The following TRIM9 variants were observed in gnomAD, a reference collection of about 807,000 sequenced individuals.
TRIM9 encodes tripartite motif containing 9.
TRIM9 carries 26 observed loss-of-function variants against 78.3 expected under a neutral mutation model. The ratio of observed to expected loss-of-function variants is 0.33; its 90% confidence interval spans 0.24 to 0.46. The LOEUF is 0.46. Among genes scored for constraint, TRIM9 ranks in the 20% least tolerant of loss-of-function variants. The pLI, the probability that TRIM9 is intolerant of heterozygous loss-of-function variation, is 1.00. For missense variants in TRIM9, 787 were observed against 1,036.4 expected (o/e 0.76, Z 3.30); for synonymous variants, 398 against 416.5 (o/e 0.96, Z 0.54).
intron 5 of TRIM9, among the ~76,000 whole-genome samples, chr14:51,004,320 G>T (rs369284873): frequency 5.9e-5 from 9 of 152,162 alleles, no homozygotes; most frequent in East Asian, 5.8e-4. Flanking sequence ...GAGGTCTGGC[G>T]GAGCTGTGGT....
intron 1 of TRIM9, among the ~76,000 whole-genome samples, chr14:51,032,879 C>T (rs1268299536): frequency 6.6e-6 from 1 of 152,192 alleles, no homozygotes; most frequent in Non-Finnish European, 1.5e-5. Flanking sequence ...AAATCTGAAA[C>T]ATTTCAATGA....
At chr14:51,003,308 A>G (rs968578946) in intron 5 of TRIM9, among the ~76,000 whole-genome samples, 2 of 152,112 alleles carry the variant, frequency 1.3e-5, no homozygotes, top group Non-Finnish European at 2.9e-5. Flanking sequence ...CCCGGGGGGT[A>G]TTTATTCTTA....
intron 1 of TRIM9, among the ~76,000 whole-genome samples, chr14:51,052,253 ATGT>A (rs2060494139): frequency 6.6e-6 from 1 of 152,178 alleles, no homozygotes; most frequent in Non-Finnish European, 1.5e-5. Flanking sequence ...CTATAAATAA[ATGT>A]TGTAAAGCAA....
chr14:51,046,948 G>C (rs972487058), intron 1 of TRIM9, among the ~76,000 whole-genome samples: 1 of 152,192 alleles, frequency 6.6e-6, no homozygotes, highest in African/African-American at 2.4e-5. Flanking sequence ...GGTGGTACTA[G>C]AATATGGAAA....
At chr14:51,068,069 G>C (rs568765675) in intron 1 of TRIM9, among the ~76,000 whole-genome samples, 3 of 152,318 alleles carry the variant, frequency 2.0e-5, no homozygotes, top group Admixed American at 1.3e-4. Context: ...AACACAGGTT[G>C]CTGGACCCCC....
intron 12 of TRIM9, chr14:50,978,950 C>T: frequency 1.9e-6 from 2 of 1,074,046 alleles, no homozygotes; most frequent in Non-Finnish European, 2.3e-6. Flanking sequence ...CAGAGCCAAA[C>T]AAGAGTGCAG....
At chr14:51,073,819 T>C (rs964501781) in intron 1 of TRIM9, among the ~76,000 whole-genome samples, 1 of 152,238 alleles carries the variant, frequency 6.6e-6, no homozygotes, top group African/African-American at 2.4e-5. Context: ...TTGTTGTTTT[T>C]TGCAGCTGCA....
At chr14:51,008,058 G>C (rs1413776974) in intron 5 of TRIM9, among the ~76,000 whole-genome samples, 1 of 152,170 alleles carries the variant, frequency 6.6e-6, no homozygotes, top group Admixed American at 6.5e-5. Flanking sequence ...GAGTTGCAAA[G>C]AGCAAATCAA....
At chr14:51,009,354 G>A in intron 4 of TRIM9, 121 bp from the exon 5 acceptor site, 1 of 1,205,160 alleles carries the variant, frequency 8.3e-7, no homozygotes, top group East Asian at 2.4e-5. Flanking sequence ...TACTCTGACT[G>A]CCTCAGTGCT....
intron 5 of TRIM9, among the ~76,000 whole-genome samples, chr14:51,003,724 A>G (rs1306061747): frequency 1.3e-5 from 2 of 152,198 alleles, no homozygotes; most frequent in South Asian, 2.1e-4. Flanking sequence ...CAAATGGACA[A>G]AAAGTCAAAG....
chr14:51,078,074 G>A (rs555418315), intron 1 of TRIM9, among the ~76,000 whole-genome samples: 27 of 152,254 alleles, frequency 1.8e-4, no homozygotes, highest in African/African-American at 6.3e-4. Flanking sequence ...ATGAGCCAGT[G>A]GTCTCATCAT....
At chr14:51,009,278 A>G in intron 4 of TRIM9, 45 bp from the exon 5 acceptor site, 6 of 1,608,962 alleles carry the variant, frequency 3.7e-6, no homozygotes, top group Non-Finnish European at 5.1e-6. Flanking sequence ...ACACCACCAC[A>G]CTTGAAACAC....
At chr14:51,049,303 G>A (rs1244862512) in intron 1 of TRIM9, among the ~76,000 whole-genome samples, 2 of 152,100 alleles carry the variant, frequency 1.3e-5, no homozygotes, top group African/African-American at 2.4e-5. Context: ...TTTACAGATT[G>A]AAAAGATTAT....
intron 1 of TRIM9, among the ~76,000 whole-genome samples, chr14:51,073,456 C>T (rs2062474867): frequency 6.6e-6 from 1 of 152,264 alleles, no homozygotes; most frequent in East Asian, 1.9e-4. Context: ...AATGGAATAC[C>T]ATACAACAGT....
intron 1 of TRIM9, among the ~76,000 whole-genome samples, chr14:51,060,753 C>A (rs2061292391): frequency 6.6e-6 from 1 of 152,242 alleles, no homozygotes; most frequent in Non-Finnish European, 1.5e-5. Context: ...AGGCGTGAGC[C>A]TCTGCACCCA....
At chr14:51,030,460 T>C (rs148949704) in intron 1 of TRIM9, among the ~76,000 whole-genome samples, 1 of 152,290 alleles carries the variant, frequency 6.6e-6, no homozygotes, top group African/African-American at 2.4e-5. Flanking sequence ...TGCCAATTTA[T>C]CTCTAAGCCC....
chr14:51,000,044 A>G (rs988025028), intron 6 of TRIM9, among the ~76,000 whole-genome samples: 4 of 152,192 alleles, frequency 2.6e-5, no homozygotes, highest in Non-Finnish European at 4.4e-5. Flanking sequence ...TATCTGGTGA[A>G]AGGCCCAGAA....
In TRIM9 at chr14:50,996,088, C is replaced by T. The variant is rs1019355871; in HGVS notation, c.1603+1962G>A. On this transcript the variant is annotated intron_variant, in intron 7 of 12. Coordinates refer to ENST00000684578, the MANE Select transcript of TRIM9 (RefSeq NM_001387360.1). Reference sequence around the variant, plus strand: ...GTTATGGAGAAAGTATGTGTGTGAACTTTATTTCATCATGAGAAAATTACT... The same window carrying T: ...GTTATGGAGAAAGTATGTGTGTGAATTTTATTTCATCATGAGAAAATTACT... 1.9e-4 allele frequency: 183 copies of T among 985,118 alleles called. 3 individuals are homozygous for T. Among genetic ancestry groups the T allele is most frequent in the Admixed American group, 6.2e-5 (1 of 16,246 alleles). The allele number at this position is 985,118 out of a possible 1,614,324, so 61.0% of individuals were successfully genotyped here.
intron 6 of TRIM9, 108 bp downstream of exon 6, chr14:51,000,575 G>T: frequency 6.9e-7 from 1 of 1,458,392 alleles, no homozygotes; most frequent in Non-Finnish European, 9.4e-7. Context: ...CTGCCAGGAT[G>T]GCCTGTCCCC....
Sources: allele counts gnomAD v4.1 joint callset (sites outside exome capture counted in the v4.1 genomes callset), GRCh38; gene constraint gnomAD v4.1.1; transcripts MANE v1.5; gene names NCBI Gene and HGNC (gene_info 2026-07-23, HGNC 2026-07-21).